ZFHX3: variants seen among roughly 807,000 people sequenced by gnomAD.
The protein encoded by ZFHX3 is zinc finger homeobox protein 3.
Under a neutral mutation model 279.1 loss-of-function variants are expected in ZFHX3, and 42 were observed. That is an observed-to-expected ratio of 0.15 (90% CI 0.12 to 0.19). ZFHX3 has a LOEUF of 0.19. Ranked by LOEUF, ZFHX3 falls within the 10% of genes least tolerant of loss-of-function variation. The pLI, the probability that ZFHX3 is intolerant of heterozygous loss-of-function variation, is 1.00. For missense variants in ZFHX3, 4,981 were observed against 4,754.0 expected (o/e 1.05, Z -1.40); for synonymous variants, 2,293 against 1,957.8 (o/e 1.17, Z -4.52).
intron 1 of ZFHX3, among the ~76,000 whole-genome samples, chr16:73,889,343 T>C (rs2030453082): frequency 1.3e-5 from 2 of 152,158 alleles, no homozygotes; most frequent in Non-Finnish European, 2.9e-5. Flanking sequence ...TGGGACACGA[T>C]ATGCTTTTCT....
intron 2 of ZFHX3, among the ~76,000 whole-genome samples, chr16:73,615,118 C>T (rs2052286585): frequency 6.7e-6 from 1 of 149,094 alleles, no homozygotes; most frequent in Admixed American, 6.7e-5. Flanking sequence ...CACTAAACAA[C>T]ATGTTCAAGA....
exon 1 of ZFHX3, chr16:73,059,372 G>GCACACACACACA (rs59438799): frequency 6.8e-6 from 1 of 146,152 alleles, no homozygotes; most frequent in African/African-American, 2.5e-5. Context: ...ACGAGCGCGC[G>GCACACACACACA]CACACACACA....
At chr16:73,416,449 T>C (rs762120852) in intron 3 of ZFHX3, among the ~76,000 whole-genome samples, 1 of 152,130 alleles carries the variant, frequency 6.6e-6, no homozygotes. Flanking sequence ...AAACCAGTAT[T>C]GGACTCATTC....
intron 1 of ZFHX3, among the ~76,000 whole-genome samples, chr16:72,975,115 T>G (rs1010510318): frequency 4.0e-5 from 6 of 151,882 alleles, no homozygotes; most frequent in Non-Finnish European, 8.8e-5. Flanking sequence ...GCACTCTGAG[T>G]TTGTTTGAAA....
intron 3 of ZFHX3, among the ~76,000 whole-genome samples, chr16:73,417,175 AC>A (rs2017606290): frequency 6.6e-6 from 1 of 151,956 alleles, no homozygotes; most frequent in Non-Finnish European, 1.5e-5. Context: ...ATGGAGCAAT[AC>A]TTTTTCAAGT....
At chr16:72,858,049 G>C (rs556032206) in intron 4 of ZFHX3, among the ~76,000 whole-genome samples, 1 of 152,364 alleles carries the variant, frequency 6.6e-6, no homozygotes, top group South Asian at 2.1e-4. Flanking sequence ...AGTAAATTCA[G>C]TGTTCTCTTC....
chr16:73,186,256 C>G (rs981303129), intron 5 of ZFHX3, among the ~76,000 whole-genome samples: 2 of 152,162 alleles, frequency 1.3e-5, no homozygotes, highest in African/African-American at 4.8e-5. Flanking sequence ...CCCTCACCAT[C>G]TGTGGAAAAA....
At chr16:73,674,625 A>G (rs716271) in intron 2 of ZFHX3, among the ~76,000 whole-genome samples, 97,102 of 152,002 alleles carry the variant, frequency 0.64, 31,541 homozygotes, top group Middle Eastern at 0.83. Flanking sequence ...AGTTTCTCCA[A>G]TTAAGACCTA....
At chr16:73,099,199 T>A (rs996864998) in intron 7 of ZFHX3, 3 of 152,130 alleles carry the variant, frequency 2.0e-5, no homozygotes, top group Non-Finnish European at 4.4e-5. Context: ...GATATGCAAA[T>A]ATTCTGAGAG....
intron 3 of ZFHX3, among the ~76,000 whole-genome samples, chr16:73,334,810 C>CCTTTTTTTTTTTTTTTT (rs1555510772): frequency 1.2e-4 from 7 of 57,916 alleles, no homozygotes; most frequent in African/African-American, 4.0e-4. Context: ...CTTTCTCATT[C>CCTTTTTTTTTTTTTTTT]TTTTTTTTTT....
intron 3 of ZFHX3, among the ~76,000 whole-genome samples, chr16:72,915,919 C>A (rs978104754): frequency 6.6e-6 from 1 of 152,218 alleles, no homozygotes; most frequent in Non-Finnish European, 1.5e-5. Context: ...CCACTCTAGA[C>A]GTAACTACTT....
intron 2 of ZFHX3, among the ~76,000 whole-genome samples, chr16:73,497,447 C>A (rs2019160747): frequency 6.6e-6 from 1 of 152,144 alleles, no homozygotes; most frequent in Admixed American, 6.5e-5. Flanking sequence ...GGCAAGAGGA[C>A]TGCTTGAGCC....
intron 3 of ZFHX3, among the ~76,000 whole-genome samples, chr16:73,323,764 TG>T (rs2015627359): frequency 6.6e-6 from 1 of 152,148 alleles, no homozygotes; most frequent in South Asian, 2.1e-4. Context: ...CTAAGACCAG[TG>T]AAGACTCTGA....
rs570955376 is a variant in ZFHX3, at chr16:72,960,116, C to A, written c.30G>T (p.Ser10=). The A allele has an allele frequency of 1.0e-5, 16 of 1,594,270 alleles. No homozygotes were observed. Among genetic ancestry groups the A allele is most frequent in the South Asian group, 6.8e-5 (6 of 87,888 alleles). MEGCDSPVV[S]GKDNGCGIPQ... ...GGATACCGCACCCATTGTCCTTCCCCGAGACGACGGGCGAGTCACAGCCTT... is the reference window on the plus strand; with the variant it reads ...GGATACCGCACCCATTGTCCTTCCCAGAGACGACGGGCGAGTCACAGCCTT... The change falls in exon 2 of 10, where the codon TCG becomes TCT. Residue 10 remains serine (S), a synonymous_variant. Coordinates refer to ENST00000268489, the MANE Select transcript of ZFHX3 (RefSeq NM_006885.4).
chr16:73,081,927 C>A (rs546113482), intron 8 of ZFHX3, among the ~76,000 whole-genome samples: 79 of 151,480 alleles, frequency 5.2e-4, no homozygotes, highest in African/African-American at 1.8e-3. Context: ...ACCTCTGCCT[C>A]CCAGGTTCAA....
chr16:73,389,137 G>A (rs183363658), intron 3 of ZFHX3: 5 of 152,232 alleles, frequency 3.3e-5, no homozygotes, highest in East Asian at 1.9e-4. Flanking sequence ...TTTCCCCCTC[G>A]AGTCCCTGTT....
At chr16:73,566,125 T>C (rs1469638615) in intron 2 of ZFHX3, among the ~76,000 whole-genome samples, 1 of 152,146 alleles carries the variant, frequency 6.6e-6, no homozygotes, top group Non-Finnish European at 1.5e-5. Flanking sequence ...CTCATCTCTC[T>C]CCTGATAGGG....
chr16:73,863,221 A>G (rs1198786528), intron 1 of ZFHX3, among the ~76,000 whole-genome samples: 1 of 152,192 alleles, frequency 6.6e-6, no homozygotes, highest in Non-Finnish European at 1.5e-5. Flanking sequence ...AAACAAATAA[A>G]TAAATAAATA....
At chr16:73,813,434 T>C (rs1407255474) in intron 1 of ZFHX3, among the ~76,000 whole-genome samples, 2 of 152,120 alleles carry the variant, frequency 1.3e-5, no homozygotes, top group East Asian at 3.9e-4. Flanking sequence ...ATTGGCTGCA[T>C]AGGTGAAAAT....
Sources: allele counts gnomAD v4.1 joint callset (sites outside exome capture counted in the v4.1 genomes callset), GRCh38; gene constraint gnomAD v4.1.1; transcripts MANE v1.5; gene names NCBI Gene and HGNC (gene_info 2026-07-23, HGNC 2026-07-21).